CSMD1: variants seen among roughly 807,000 people sequenced by gnomAD.
The protein encoded by CSMD1 is CUB and Sushi multiple domains 1.
Under a neutral mutation model 417.5 loss-of-function variants are expected in CSMD1, and 213 were observed. That is an observed-to-expected ratio of 0.51 (90% CI 0.46 to 0.57). CSMD1 has a LOEUF of 0.57. CSMD1 is among the 20% of genes least tolerant of loss of function. The probability of loss-of-function intolerance (pLI) is 0.00; values close to 1 mark genes in which losing one functional copy is unlikely to be tolerated. For synonymous variants in CSMD1, 2,862 were observed against 1,736.8 expected, an observed-to-expected ratio of 1.65 and a Z score of -16.11; for missense variants, 6,923 against 4,529.7, an observed-to-expected ratio of 1.53 and a Z score of -15.17.
chr8:3,389,195 T>C (rs1230594249), intron 17 of CSMD1, among the ~76,000 whole-genome samples: 1 of 152,154 alleles, frequency 6.6e-6, no homozygotes, highest in East Asian at 1.9e-4. Context: ...GAGTTTGTTG[T>C]ACAGATTATT....
intron 3 of CSMD1, among the ~76,000 whole-genome samples, chr8:4,208,073 G>T (rs2131276913): frequency 6.6e-6 from 1 of 152,194 alleles, no homozygotes; most frequent in Middle Eastern, 3.4e-3. Flanking sequence ...TCAGATATGT[G>T]TTTACTATCT....
At chr8:3,206,861 T>A (rs1006415305) in intron 30 of CSMD1, among the ~76,000 whole-genome samples, 1 of 152,096 alleles carries the variant, frequency 6.6e-6, no homozygotes, top group Non-Finnish European at 1.5e-5. Flanking sequence ...TCCCAGCCAT[T>A]TGATATCCAG....
chr8:3,240,747 G>C (rs1751931747), intron 26 of CSMD1, among the ~76,000 whole-genome samples: 1 of 152,114 alleles, frequency 6.6e-6, no homozygotes, highest in Admixed American at 6.5e-5. Flanking sequence ...TCGAGGTTAG[G>C]AGAGTATATG....
chr8:4,376,630 T>C (rs1802762981), intron 3 of CSMD1, among the ~76,000 whole-genome samples: 1 of 152,226 alleles, frequency 6.6e-6, no homozygotes, highest in African/African-American at 2.4e-5. Flanking sequence ...TAATATTTCT[T>C]TTCAGAAGGG....
At chr8:4,068,176 G>T (rs544086682) in intron 3 of CSMD1, among the ~76,000 whole-genome samples, 2 of 152,320 alleles carry the variant, frequency 1.3e-5, no homozygotes, top group Admixed American at 6.5e-5. Flanking sequence ...GTTTTCTTAG[G>T]AAAGGGGTGG....
intron 1 of CSMD1, among the ~76,000 whole-genome samples, chr8:4,762,062 C>A (rs1267697947): frequency 6.6e-6 from 1 of 151,954 alleles, no homozygotes; most frequent in Non-Finnish European, 1.5e-5. Flanking sequence ...CCAAATAAGT[C>A]TCAAATGATG....
intron 3 of CSMD1, among the ~76,000 whole-genome samples, chr8:4,278,042 C>G (rs1585145323): frequency 1.3e-5 from 2 of 152,174 alleles, no homozygotes; most frequent in East Asian, 3.9e-4. Flanking sequence ...CCACGGCGCC[C>G]AACCCCCTTT....
At chr8:4,774,162 T>C (rs543875068) in intron 1 of CSMD1, among the ~76,000 whole-genome samples, 1 of 152,206 alleles carries the variant, frequency 6.6e-6, no homozygotes, top group African/African-American at 2.4e-5. Flanking sequence ...ATCGTGCCAC[T>C]GCCTACCAGC....
chr8:4,373,673 G>A (rs187012505), intron 3 of CSMD1, among the ~76,000 whole-genome samples: 199 of 152,100 alleles, frequency 1.3e-3, no homozygotes, highest in Middle Eastern at 0.01. Flanking sequence ...TTAATGAAAC[G>A]TTTCACTTTA....
chr8:3,487,707 C>G (rs1004929323), intron 11 of CSMD1, among the ~76,000 whole-genome samples: 1 of 151,998 alleles, frequency 6.6e-6, no homozygotes, highest in East Asian at 1.9e-4. Flanking sequence ...GTCAAGAAGG[C>G]GGGTCCCTTT....
At chr8:3,295,447 A>G (rs559553453) in intron 25 of CSMD1, among the ~76,000 whole-genome samples, 9 of 152,240 alleles carry the variant, frequency 5.9e-5, no homozygotes, top group African/African-American at 2.2e-4. Context: ...TTGTACTATT[A>G]TGGGAGAGAC....
At chr8:3,831,382 G>T (rs971740229) in intron 5 of CSMD1, among the ~76,000 whole-genome samples, 2 of 152,092 alleles carry the variant, frequency 1.3e-5, no homozygotes, top group Non-Finnish European at 2.9e-5. Flanking sequence ...TTCCAACAGA[G>T]ACAAATGATT....
At chr8:4,105,239 C>T (rs186678561) in intron 3 of CSMD1, among the ~76,000 whole-genome samples, 1 of 152,060 alleles carries the variant, frequency 6.6e-6, no homozygotes, top group African/African-American at 2.4e-5. Context: ...AAAGGAAACC[C>T]TAAATATTGA....
intron 5 of CSMD1, among the ~76,000 whole-genome samples, chr8:3,813,091 GTTT>G (rs10714284): frequency 1.9e-4 from 26 of 135,492 alleles, no homozygotes; most frequent in Admixed American, 3.7e-4. Flanking sequence ...TTTTAAGCTA[GTTT>G]TTTTTTTTTT....
At chr8:3,152,742 A>G (rs1005897248) in intron 39 of CSMD1, among the ~76,000 whole-genome samples, 3 of 152,140 alleles carry the variant, frequency 2.0e-5, no homozygotes, top group Non-Finnish European at 4.4e-5. Flanking sequence ...TTGCTATTTA[A>G]AGTATAACCT....
At chr8:4,796,048 C>G (rs981009446) in intron 1 of CSMD1, among the ~76,000 whole-genome samples, 1 of 152,158 alleles carries the variant, frequency 6.6e-6, no homozygotes, top group Non-Finnish European at 1.5e-5. Context: ...AAATGTAACA[C>G]TCACCAGGAG....
intron 2 of CSMD1, among the ~76,000 whole-genome samples, chr8:4,569,550 T>C (rs959534382): frequency 1.3e-5 from 2 of 152,220 alleles, no homozygotes; most frequent in Non-Finnish European, 2.9e-5. Context: ...ACTCTTGTCT[T>C]GTAATATAGT....
At chr8:3,373,354 TCAGA>T (rs1810095532) in intron 18 of CSMD1, 1 of 152,206 alleles carries the variant, frequency 6.6e-6, no homozygotes. Context: ...CAGGAGAAAG[TCAGA>T]CAGAAAGTTA....
At chr8:3,203,750 T>G (rs1339719348) in intron 31 of CSMD1, among the ~76,000 whole-genome samples, 1 of 152,150 alleles carries the variant, frequency 6.6e-6, no homozygotes, top group East Asian at 1.9e-4. Context: ...ATGCTTAGAT[T>G]TGTGTTTTAG....
Sources: allele counts gnomAD v4.1 joint callset (sites outside exome capture counted in the v4.1 genomes callset), GRCh38; gene constraint gnomAD v4.1.1; transcripts MANE v1.5; gene names NCBI Gene and HGNC (gene_info 2026-07-23, HGNC 2026-07-21).